The following SPTBN1 variants were observed in gnomAD, a reference collection of about 807,000 sequenced individuals.
SPTBN1 encodes the protein spectrin beta chain, non-erythrocytic 1.
A neutral mutation model predicts 266.4 loss-of-function variants in SPTBN1; 32 were observed. That is an observed-to-expected ratio of 0.12 (90% confidence interval 0.09 to 0.16). The LOEUF is 0.16. SPTBN1 is among the 10% of genes least tolerant of loss of function. The pLI, the probability that SPTBN1 is intolerant of heterozygous loss-of-function variation, is 1.00. For synonymous variants in SPTBN1, 1,336 were observed against 1,162.2 expected (o/e 1.15, Z -3.04); for missense variants, 2,296 against 3,067.1 (o/e 0.75, Z 5.94).
intron 1 of SPTBN1, among the ~76,000 whole-genome samples, chr2:54,481,242 CT>C: frequency 6.6e-6 from 1 of 152,148 alleles, no homozygotes; most frequent in African/African-American, 2.4e-5. Flanking sequence ...TAGAATCTCT[CT>C]TGCTGTTTTT....
At chr2:54,573,388 A>G (rs1674226166) in intron 2 of SPTBN1, among the ~76,000 whole-genome samples, 1 of 152,176 alleles carries the variant, frequency 6.6e-6, no homozygotes. Context: ...TGCACAGTTC[A>G]TGATAGGGTT....
At chr2:54,504,807 T>C (rs761575783) in intron 1 of SPTBN1, among the ~76,000 whole-genome samples, 11 of 152,304 alleles carry the variant, frequency 7.2e-5, no homozygotes, top group Non-Finnish European at 1.6e-4. Flanking sequence ...TATAATATTT[T>C]AAAAAGCGTA....
Position 54,558,202 on chromosome 2 carries a change from G to A in SPTBN1, c.148+31636G>A. Reference sequence around the variant, plus strand: ...GGGTCGGCGGCTGCCGGGCGGCTGGGGCGACCGCGGACCGTGCGGGACCGG... The same window carrying A: ...GGGTCGGCGGCTGCCGGGCGGCTGGAGCGACCGCGGACCGTGCGGGACCGG... On this transcript the variant is annotated intron_variant, in intron 2 of 35. Transcript: ENST00000356805. The surrounding 1 kb of genome is among the most constrained non-coding windows in gnomAD (Gnocchi z 4.6). 6 of 985,392 alleles carry A rather than the reference G, an allele frequency of 6.1e-6. No homozygotes were observed. Among genetic ancestry groups the A allele is most frequent in the Non-Finnish European group, 7.2e-6 (6 of 829,902 alleles). 61.0% of individuals were successfully genotyped at this position (985,392 alleles called of 1,614,324 possible).
intron 3 of SPTBN1, among the ~76,000 whole-genome samples, chr2:54,603,834 GA>G (rs1223096037): frequency 6.6e-6 from 1 of 152,066 alleles, no homozygotes; most frequent in East Asian, 1.9e-4. Flanking sequence ...TTAATTAAAA[GA>G]AAAAAACATA....
chr2:54,660,041 T>C lies in SPTBN1; in HGVS notation c.6420+42T>C, dbSNP rs1347214849. ...AAACCTACCAAAACTACAAAAACTT[T>C]AATAGCAGACGGACAGCCAGTGACC... On this transcript the variant is annotated intron_variant, in intron 32 of 35. Coordinates refer to ENST00000356805, the MANE Select transcript of SPTBN1 (RefSeq NM_003128.3). The C allele has an allele frequency of 2.5e-6, 4 of 1,614,096 alleles. No individual in the cohort carries two copies. The African/African-American group carries it at 4.0e-5, about 16-fold the overall frequency.
chr2:54,467,697 A>G lies in SPTBN1; in HGVS notation c.-48+11179A>G, dbSNP rs188969560. On this transcript the variant is annotated intron_variant, in intron 1 of 35. Coordinates refer to ENST00000356805, the MANE Select transcript of SPTBN1 (RefSeq NM_003128.3). Reference sequence around the variant, plus strand: ...ACCGCGCCTGGCCAGGAGTGTTTTTATAGTGATTACAATAGTTTTAAAAAT... The same window carrying G: ...ACCGCGCCTGGCCAGGAGTGTTTTTGTAGTGATTACAATAGTTTTAAAAAT... 5.8e-3 allele frequency among the ~76,000 whole-genome samples: 881 copies of G among 152,116 alleles called. 3 individuals are homozygous for G. The highest frequency in any genetic ancestry group is 0.014 in the Middle Eastern group (4 of 294).
At chr2:54,659,711 C>G (rs959755441) in intron 31 of SPTBN1, among the ~76,000 whole-genome samples, 1 of 152,160 alleles carries the variant, frequency 6.6e-6, no homozygotes, top group African/African-American at 2.4e-5. Flanking sequence ...ACCTCTAATG[C>G]TGCCTTTATG....
At chr2:54,599,580 C>T (rs1460370048) in intron 3 of SPTBN1, among the ~76,000 whole-genome samples, 3 of 152,192 alleles carry the variant, frequency 2.0e-5, no homozygotes, top group African/African-American at 7.2e-5. Flanking sequence ...GAACCTGTGT[C>T]CCACATGCGA....
In SPTBN1 at chr2:54,533,919, C is replaced by A. The variant is rs1204783779; in HGVS notation, c.148+7353C>A. On this transcript the variant is annotated intron_variant, in intron 2 of 35. Coordinates refer to ENST00000356805, the MANE Select transcript of SPTBN1 (RefSeq NM_003128.3). This position sits in a 1 kb window ranked among gnomAD's most constrained non-coding sequence, Gnocchi z 4.2. Reference sequence around the variant, plus strand: ...TCTCTCTCACACACACACACACACACACACACACGCACGCACGCACACAAA... The same window carrying A: ...TCTCTCTCACACACACACACACACAAACACACACGCACGCACGCACACAAA... Among the ~76,000 whole-genome samples the A allele has an allele frequency of 6.6e-6, 1 of 150,838 alleles. No homozygotes were observed. Among genetic ancestry groups the A allele is most frequent in the South Asian group, 2.1e-4 (1 of 4,742 alleles).
intron 2 of SPTBN1, among the ~76,000 whole-genome samples, chr2:54,552,038 G>T (rs1475025186): frequency 6.6e-6 from 1 of 152,204 alleles, no homozygotes; most frequent in Non-Finnish European, 1.5e-5. Context: ...GAGAAGGGAA[G>T]GGAGGGGTAT....
intron 5 of SPTBN1, 43 bp downstream of exon 5, chr2:54,616,341 A>G (rs1462070589): frequency 1.3e-6 from 2 of 1,537,074 alleles, no homozygotes; most frequent in Admixed American, 1.7e-5. Context: ...TTCTTCCAGG[A>G]CTGAATTCCA....
At chr2:54,466,968 A>G (rs1003776901) in intron 1 of SPTBN1, among the ~76,000 whole-genome samples, 2 of 152,082 alleles carry the variant, frequency 1.3e-5, no homozygotes, top group African/African-American at 4.8e-5. Flanking sequence ...GCAGTTCATT[A>G]CTTATGCAGA....
intron 1 of SPTBN1, among the ~76,000 whole-genome samples, chr2:54,465,792 A>T (rs1303031695): frequency 6.6e-6 from 1 of 152,014 alleles, no homozygotes; most frequent in African/African-American, 2.4e-5. Context: ...AAGGAGTCCC[A>T]TGAATGAGTC....
At chr2:54,643,281 G>T (rs1481917697) in intron 19 of SPTBN1, 152 bp downstream of exon 19, 9 of 1,198,914 alleles carry the variant, frequency 7.5e-6, no homozygotes, top group Non-Finnish European at 1.0e-5. Context: ...GCACGTACGG[G>T]TTCCTGACTT....
chr2:54,610,454 G>T (rs958526693), intron 3 of SPTBN1, among the ~76,000 whole-genome samples: 1 of 151,932 alleles, frequency 6.6e-6, no homozygotes, highest in African/African-American at 2.4e-5. Flanking sequence ...TTGTAGAGAC[G>T]GGTTTTTGCC....
chr2:54,550,214 C>T (rs189343801), intron 2 of SPTBN1, among the ~76,000 whole-genome samples: 11 of 152,314 alleles, frequency 7.2e-5, no homozygotes, highest in South Asian at 4.1e-4. Context: ...CTCCTACTTA[C>T]GAGGCAGCTG....
At position 54,558,812 on chromosome 2, in the gene SPTBN1, C is replaced by T; in HGVS notation, c.148+32246C>T. On this transcript the variant is annotated intron_variant, in intron 2 of 35. Transcript: ENST00000356805. This position sits in a 1 kb window ranked among gnomAD's most constrained non-coding sequence, Gnocchi z 4.6. The stretch of plus-strand genomic sequence containing the variant: ...GCAGAGGACGTCTAGTATCTCCGGG[C>T]CGCTGTCGCCGGCGTACACGGGGCA... 2 of 1,613,838 alleles carry T rather than the reference C, an allele frequency of 1.2e-6. No individual in the cohort carries two copies. The highest frequency in any genetic ancestry group is 1.7e-6 in the Non-Finnish European group (2 of 1,179,834).
intron 2 of SPTBN1, among the ~76,000 whole-genome samples, chr2:54,598,120 TTGTA>T (rs1676226783): frequency 6.6e-6 from 1 of 152,176 alleles, no homozygotes; most frequent in African/African-American, 2.4e-5. Context: ...GAAAGCCTAT[TTGTA>T]TGGTATGTGA....
At chr2:54,516,601 G>A (rs894695322) in intron 1 of SPTBN1, among the ~76,000 whole-genome samples, 4 of 152,152 alleles carry the variant, frequency 2.6e-5, no homozygotes, top group Admixed American at 2.0e-4. Flanking sequence ...CCCAATAAAT[G>A]CAAATGGATT....
Sources: gnomAD v4.1 joint callset for allele counts (sites outside exome capture counted in the v4.1 genomes callset) on GRCh38, gnomAD v4.1.1 for gene constraint, Gnocchi (gnomAD v3.1) non-coding constraint, MANE v1.5 for transcripts, NCBI Gene and HGNC (gene_info 2026-07-23, HGNC 2026-07-21) for gene names.